XRRA1: variants seen among roughly 807,000 people sequenced by gnomAD.
XRRA1 encodes X-ray radiation resistance associated 1, also known as X-ray radiation resistance-associated protein 1.
A neutral mutation model predicts 80.2 loss-of-function variants in XRRA1; 69 were observed. That is an observed-to-expected ratio of 0.86 (90% CI 0.71 to 1.05). XRRA1 has a LOEUF of 1.05. Among genes scored for constraint, XRRA1 ranks in the 50% least tolerant of loss-of-function variants. XRRA1 has a pLI of 0.00. For synonymous variants in XRRA1, 348 were observed against 389.9 expected (o/e 0.89, Z 1.27); for missense variants, 967 against 976.4 (o/e 0.99, Z 0.13).
chr11:74,866,624 A>G lies in XRRA1; in HGVS notation c.1004-3603T>C, dbSNP rs1016914983. ...CAGAGAATCAGTTCAGAAATTTACC[A>G]GAAAAATTTAACAAGGAGATTGAAA... On this transcript the variant is annotated intron_variant, in intron 10 of 18. Transcript: ENST00000684022. Among the ~76,000 whole-genome samples the G allele has an allele frequency of 6.6e-5, 10 of 151,216 alleles. No individual in the cohort carries two copies. The Admixed American group carries it at 6.6e-4, about 10-fold the overall frequency.
chr11:74,938,235 G>A (rs1227062410), intron 3 of XRRA1, among the ~76,000 whole-genome samples: 1 of 152,206 alleles, frequency 6.6e-6, no homozygotes, highest in Non-Finnish European at 1.5e-5. Context: ...CTTCTTGGAT[G>A]CAGTTCCTGC....
At chr11:74,930,829 G>C (rs577190880) in intron 5 of XRRA1, among the ~76,000 whole-genome samples, 19 of 151,860 alleles carry the variant, frequency 1.3e-4, no homozygotes, top group Non-Finnish European at 2.8e-4. Context: ...TTTGAGACAG[G>C]GTCTCACTTC....
chr11:74,858,316 G>A (rs1386252938), intron 12 of XRRA1, among the ~76,000 whole-genome samples: 1 of 152,230 alleles, frequency 6.6e-6, no homozygotes, highest in Admixed American at 6.5e-5. Context: ...TTTTCAATAA[G>A]TGGTATTGAG....
intron 10 of XRRA1, among the ~76,000 whole-genome samples, chr11:74,893,907 A>C (rs1392077936): frequency 6.6e-6 from 1 of 152,258 alleles, no homozygotes; most frequent in Non-Finnish European, 1.5e-5. Context: ...TATATACCCA[A>C]AGGGATATAA....
chr11:74,915,325 G>C (rs1476929695), intron 8 of XRRA1, among the ~76,000 whole-genome samples: 1 of 152,194 alleles, frequency 6.6e-6, no homozygotes, highest in Non-Finnish European at 1.5e-5. Context: ...GATAGAGTGT[G>C]AAGACCGTGT....
At chr11:74,886,857 A>G (rs192264265) in intron 10 of XRRA1, among the ~76,000 whole-genome samples, 8 of 152,350 alleles carry the variant, frequency 5.3e-5, no homozygotes, top group African/African-American at 1.9e-4. Flanking sequence ...TGGTACTGGC[A>G]CAAGAACAGA....
chr11:74,878,732 A>G (rs1445591319), intron 10 of XRRA1, among the ~76,000 whole-genome samples: 1 of 149,452 alleles, frequency 6.7e-6, no homozygotes, highest in Non-Finnish European at 1.5e-5. Context: ...TCCTTTCCCC[A>G]TTGCTTGTTT....
chr11:74,937,165 T>C (rs910496187), intron 3 of XRRA1, 97 bp from the exon 4 acceptor site: 18 of 1,249,470 alleles, frequency 1.4e-5, no homozygotes, highest in Non-Finnish European at 2.0e-5. Flanking sequence ...CAAAAATAGC[T>C]CCTGATTATC....
chr11:74,898,440 A>G (rs1046711687), intron 10 of XRRA1, among the ~76,000 whole-genome samples: 5 of 152,144 alleles, frequency 3.3e-5, no homozygotes, highest in African/African-American at 1.2e-4. Flanking sequence ...GTAAATAACT[A>G]AACTCTCCAA....
intron 10 of XRRA1, among the ~76,000 whole-genome samples, chr11:74,889,726 A>G (rs1221218329): frequency 1.3e-5 from 2 of 152,238 alleles, no homozygotes; most frequent in African/African-American, 4.8e-5. Flanking sequence ...AAGCAAGTGG[A>G]AAACAAAAAA....
chr11:74,942,014 G>A (rs1287668727), intron 2 of XRRA1, among the ~76,000 whole-genome samples: 1 of 152,136 alleles, frequency 6.6e-6, no homozygotes, highest in Admixed American at 6.5e-5. Flanking sequence ...TTGGGAGGCT[G>A]AAGTGGGAGG....
At chr11:74,928,884 T>TC (rs35055855) in intron 6 of XRRA1, among the ~76,000 whole-genome samples, 1 of 152,158 alleles carries the variant, frequency 6.6e-6, no homozygotes, top group East Asian at 1.9e-4. Flanking sequence ...TGACTATACT[T>TC]CCACAGTTCA....
rs571471555 is a variant in XRRA1, at chr11:74,892,540, C to A, written c.1003+13699G>T. 2.0e-3 allele frequency among the ~76,000 whole-genome samples: 300 copies of A among 151,928 alleles called. 2 individuals are homozygous for A. The highest frequency in any genetic ancestry group is 6.9e-3 in the African/African-American group (284 of 41,388). ...ACACCAAAAGCAATGGCAACAAAAGCCAAAATTGACAAATGGGATCTAATT... is the reference window on the plus strand; with the variant it reads ...ACACCAAAAGCAATGGCAACAAAAGACAAAATTGACAAATGGGATCTAATT... On this transcript the variant is annotated intron_variant, in intron 10 of 18. Coordinates refer to ENST00000684022, the MANE Select transcript of XRRA1 (RefSeq NM_001378157.1).
rs925196909 is a variant in XRRA1, at chr11:74,843,973, A to G, written c.2044-14T>C. ...GATTCTCTGGGCCTGGCAGAAGGTC[A>G]TGGAGGAGGGTGTTATCCCAGGTTT... On this transcript the variant is annotated splice_polypyrimidine_tract_variant and intron_variant, in intron 17 of 18. Coordinates refer to ENST00000684022, the MANE Select transcript of XRRA1 (RefSeq NM_001378157.1). 4 of 1,608,684 alleles carry G rather than the reference A, an allele frequency of 2.5e-6. No homozygotes were observed. The highest frequency in any genetic ancestry group is 1.1e-5 in the South Asian group (1 of 90,678).
chr11:74,905,220 T>C (rs542094466), intron 10 of XRRA1, among the ~76,000 whole-genome samples: 2 of 152,070 alleles, frequency 1.3e-5, no homozygotes, highest in Non-Finnish European at 2.9e-5. Flanking sequence ...TAATTTTTTA[T>C]AGAGATAGGG....
At chr11:74,881,474 ATAT>A (rs1282759556) in intron 10 of XRRA1, among the ~76,000 whole-genome samples, 2 of 147,882 alleles carry the variant, frequency 1.4e-5, no homozygotes, top group Non-Finnish European at 3.0e-5. Flanking sequence ...TTTAAAGTTA[ATAT>A]TGTTATGTGT....
chr11:74,900,619 G>T (rs2053418655), intron 10 of XRRA1, among the ~76,000 whole-genome samples: 1 of 152,074 alleles, frequency 6.6e-6, no homozygotes, highest in Non-Finnish European at 1.5e-5. Context: ...GGCCAAGTGG[G>T]ATTTATCCCA....
chr11:74,922,073 C>T (rs1366191344), intron 7 of XRRA1, among the ~76,000 whole-genome samples: 10 of 151,764 alleles, frequency 6.6e-5, no homozygotes, highest in Admixed American at 2.6e-4. Flanking sequence ...CTGGCTAACA[C>T]GGTGAAACCC....
intron 10 of XRRA1, among the ~76,000 whole-genome samples, chr11:74,868,409 G>A (rs948596289): frequency 4.6e-5 from 7 of 152,206 alleles, no homozygotes; most frequent in East Asian, 3.9e-4. Flanking sequence ...GACTGTTACC[G>A]GCCACTACAA....
Sources: allele counts gnomAD v4.1 joint callset (sites outside exome capture counted in the v4.1 genomes callset), GRCh38; gene constraint gnomAD v4.1.1; transcripts MANE v1.5; gene names NCBI Gene and HGNC (gene_info 2026-07-23, HGNC 2026-07-21).